The following FILIP1L variants were observed in gnomAD, a reference collection of about 807,000 sequenced individuals.
FILIP1L encodes filamin A interacting protein 1 like.
A neutral mutation model predicts 96.6 loss-of-function variants in FILIP1L; 55 were observed. That is an observed-to-expected ratio of 0.57 (90% CI 0.46 to 0.71). FILIP1L has a LOEUF of 0.71. Among genes scored for constraint, FILIP1L ranks in the 30% least tolerant of loss-of-function variants. The probability of loss-of-function intolerance (pLI) is 0.00; values close to 1 mark genes in which losing one functional copy is unlikely to be tolerated. For missense variants in FILIP1L, 1,304 were observed against 1,321.2 expected (o/e 0.99, Z 0.20); for synonymous variants, 467 against 473.9 (o/e 0.99, Z 0.19).
intron 1 of FILIP1L, chr3:100,010,043 T>C (rs1176238422): frequency 4.5e-6 from 1 of 222,432 alleles, no homozygotes; most frequent in Non-Finnish European, 7.6e-6. Flanking sequence ...TGTTAAGATA[T>C]CTACCATATG....
At chr3:99,968,721 G>A (rs181385193) in intron 1 of FILIP1L, among the ~76,000 whole-genome samples, 6 of 152,226 alleles carry the variant, frequency 3.9e-5, no homozygotes, top group Admixed American at 3.9e-4. Flanking sequence ...AGAGAAATAA[G>A]AAAAAATGAG....
chr3:100,050,359 A>T (rs1559739574), intron 1 of FILIP1L, among the ~76,000 whole-genome samples: 1 of 152,156 alleles, frequency 6.6e-6, no homozygotes, highest in Non-Finnish European at 1.5e-5. Flanking sequence ...TCTTTTTTAG[A>T]TTTATGTGAA....
chr3:100,013,166 C>T (rs1559725164), intron 1 of FILIP1L, among the ~76,000 whole-genome samples: 1 of 152,044 alleles, frequency 6.6e-6, no homozygotes, highest in East Asian at 1.9e-4. Context: ...CATGAGCTAC[C>T]ATGCCCAACT....
intron 1 of FILIP1L, among the ~76,000 whole-genome samples, chr3:99,950,788 G>A (rs1427028892): frequency 1.3e-5 from 2 of 152,132 alleles, no homozygotes; most frequent in Non-Finnish European, 2.9e-5. Flanking sequence ...TATGGTGCTG[G>A]AGACTTAGGT....
chr3:99,980,563 A>G (rs1486187752), intron 1 of FILIP1L, among the ~76,000 whole-genome samples: 2 of 152,194 alleles, frequency 1.3e-5, no homozygotes, highest in East Asian at 1.9e-4. Context: ...AAATGAGTTT[A>G]TTACAAACTT....
chr3:100,026,838 G>C (rs1203330137), intron 1 of FILIP1L, among the ~76,000 whole-genome samples: 9 of 152,182 alleles, frequency 5.9e-5, no homozygotes, highest in Admixed American at 5.9e-4. Flanking sequence ...AGAACTGTAA[G>C]TCAGATCACA....
chr3:99,993,177 T>C (rs1244210128), intron 1 of FILIP1L, among the ~76,000 whole-genome samples: 1 of 152,106 alleles, frequency 6.6e-6, no homozygotes, highest in East Asian at 1.9e-4. Flanking sequence ...TTTAGGATTG[T>C]TTTTTCTACT....
At chr3:100,055,989 T>TTAA (rs776028432) in intron 1 of FILIP1L, among the ~76,000 whole-genome samples, 1 of 152,184 alleles carries the variant, frequency 6.6e-6, no homozygotes, top group Non-Finnish European at 1.5e-5. Flanking sequence ...ATCTTAGGCA[T>TTAA]TCAGAGAAGG....
chr3:99,885,659 A>C (rs1257009244), intron 4 of FILIP1L, among the ~76,000 whole-genome samples: 1 of 152,190 alleles, frequency 6.6e-6, no homozygotes, highest in Non-Finnish European at 1.5e-5. Flanking sequence ...GTTAAAAACA[A>C]TATTTGTCTA....
rs71907944 is a variant in FILIP1L, at chr3:100,062,093, C to CTTTT, written c.-11+51956_-11+51959dup. Among the ~76,000 whole-genome samples, 75 of 53,176 alleles carry CTTTT rather than the reference C, an allele frequency of 1.4e-3. 18 individuals carry two copies. The highest frequency in any genetic ancestry group is 3.6e-3 in the African/African-American group (41 of 11,240). The allele number at this position is 53,176 out of a possible 152,430, so 34.9% of individuals were successfully genotyped here. ...CCACTTGTGGTTATCCTGTCTTCTT[C>CTTTT]TTTTTTTTTTTTTTTTTTTTTTTTT... On this transcript the variant is annotated intron_variant, in intron 1 of 5. Coordinates refer to ENST00000477258, the MANE Select transcript of FILIP1L (RefSeq NM_001387850.1).
intron 1 of FILIP1L, among the ~76,000 whole-genome samples, chr3:100,113,218 C>G (rs1000433651): frequency 6.6e-6 from 1 of 152,204 alleles, no homozygotes; most frequent in Non-Finnish European, 1.5e-5. Flanking sequence ...ACACATATCT[C>G]TCTTCAGTGG....
chr3:99,875,226 C>T (rs1400097265), intron 4 of FILIP1L, among the ~76,000 whole-genome samples: 1 of 151,958 alleles, frequency 6.6e-6, no homozygotes, highest in Non-Finnish European at 1.5e-5. Flanking sequence ...ATTTTTCTGC[C>T]AAGTGTTCAG....
At chr3:99,865,070 G>C (rs1048424613) in intron 4 of FILIP1L, among the ~76,000 whole-genome samples, 10 of 152,150 alleles carry the variant, frequency 6.6e-5, no homozygotes, top group African/African-American at 2.4e-4. Flanking sequence ...ATATTTGAAA[G>C]CATGGGTATA....
intron 1 of FILIP1L, among the ~76,000 whole-genome samples, chr3:99,965,341 G>C (rs1708617762): frequency 6.6e-6 from 1 of 152,098 alleles, no homozygotes; most frequent in Non-Finnish European, 1.5e-5. Flanking sequence ...GTTCTTACTG[G>C]TGCAGGCTGT....
At chr3:99,833,264 A>G (rs1340158302) in intron 5 of FILIP1L, 1 of 1,609,958 alleles carries the variant, frequency 6.2e-7, no homozygotes, top group East Asian at 2.2e-5. Flanking sequence ...GGTTCCACCT[A>G]GGGAGCAGTA....
chr3:100,069,038 T>A (rs2065716567), intron 1 of FILIP1L, among the ~76,000 whole-genome samples: 1 of 152,138 alleles, frequency 6.6e-6, no homozygotes. Flanking sequence ...CCCACGTGAT[T>A]TGGGCACTTC....
intron 5 of FILIP1L, among the ~76,000 whole-genome samples, chr3:99,843,785 C>T (rs1408464043): frequency 6.6e-6 from 1 of 152,046 alleles, no homozygotes; most frequent in South Asian, 2.1e-4. Context: ...AGGAGCCGAG[C>T]GGCAAGCAGA....
chr3:100,073,539 A>T (rs1255802410), intron 1 of FILIP1L, among the ~76,000 whole-genome samples: 1 of 152,230 alleles, frequency 6.6e-6, no homozygotes, highest in African/African-American at 2.4e-5. Context: ...TCTTGAATCC[A>T]AAAAGAAATA....
intron 1 of FILIP1L, among the ~76,000 whole-genome samples, chr3:99,991,526 C>A (rs1709509610): frequency 6.6e-6 from 1 of 151,964 alleles, no homozygotes; most frequent in South Asian, 2.1e-4. Context: ...ATGGTCAAGT[C>A]TGGGCTTTTA....
Sources: gnomAD v4.1 joint callset for allele counts (sites outside exome capture counted in the v4.1 genomes callset) on GRCh38, gnomAD v4.1.1 for gene constraint, MANE v1.5 for transcripts, NCBI Gene and HGNC (gene_info 2026-07-23, HGNC 2026-07-21) for gene names.